Variants in TIAM2 observed in about 807,000 individuals in gnomAD.
TIAM2 encodes rho guanine nucleotide exchange factor TIAM2.
A neutral mutation model predicts 152.9 loss-of-function variants in TIAM2; 80 were observed. The ratio of observed to expected loss-of-function variants is 0.52; its 90% CI spans 0.44 to 0.63. The LOEUF (loss-of-function observed/expected upper bound fraction) is 0.63, where lower values mean the gene tolerates loss of function less well. TIAM2 is among the 30% of genes least tolerant of loss of function. TIAM2 has a pLI of 0.00. For missense variants in TIAM2, 1,965 were observed against 2,120.1 expected, an observed-to-expected ratio of 0.93 and a Z score of 1.44; for synonymous variants, 804 against 838.0, an observed-to-expected ratio of 0.96 and a Z score of 0.70.
intron 1 of TIAM2, among the ~76,000 whole-genome samples, chr6:155,007,549 A>C (rs1279022985): frequency 6.6e-6 from 1 of 152,128 alleles, no homozygotes; most frequent in Non-Finnish European, 1.5e-5. Flanking sequence ...TGTTGAATAT[A>C]TTAGTTATAA....
chr6:155,179,229 C>A, intron 11 of TIAM2, 86 bp downstream of exon 11: 1 of 1,473,078 alleles, frequency 6.8e-7, no homozygotes, highest in Non-Finnish European at 9.4e-7. Context: ...GGGGAAAATT[C>A]TGTTTAAATT....
At chr6:155,250,064 G>A in intron 21 of TIAM2, 95 bp downstream of exon 21, 1 of 838,912 alleles carries the variant, frequency 1.2e-6, no homozygotes, top group East Asian at 2.5e-5. Context: ...GACTTTCCTG[G>A]AGGAGAAAAT....
In TIAM2 at chr6:155,156,316, G is replaced by A. The variant is rs998142220; in HGVS notation, c.2028+7982G>A. ...GCAGAAGCCTCCGGTTTCGCCCTTCGTCTGATGCATCTTCCATACAACAGC... is the reference window on the plus strand; with the variant it reads ...GCAGAAGCCTCCGGTTTCGCCCTTCATCTGATGCATCTTCCATACAACAGC... On this transcript the variant is annotated intron_variant, in intron 7 of 26. Coordinates refer to ENST00000682666, the MANE Select transcript of TIAM2 (RefSeq NM_012454.4). The surrounding 1 kb of genome is among the most constrained non-coding windows in gnomAD (Gnocchi z 4.4). Among the ~76,000 whole-genome samples, 8 of 152,104 alleles carry A rather than the reference G, an allele frequency of 5.3e-5. No individual in the cohort carries two copies. The highest frequency in any genetic ancestry group is 1.3e-4 in the Admixed American group (2 of 15,268).
At chr6:155,116,706 C>T (rs1241656407) in intron 2 of TIAM2, among the ~76,000 whole-genome samples, 1 of 152,124 alleles carries the variant, frequency 6.6e-6, no homozygotes, top group Non-Finnish European at 1.5e-5. Flanking sequence ...TGGTTGCAGT[C>T]TGAGATTCCA....
chr6:155,004,776 C>T (rs1778372612), intron 1 of TIAM2: 1 of 152,516 alleles, frequency 6.6e-6, no homozygotes. Context: ...CATTTACTTA[C>T]CAGGCGAATA....
rs111652792 is a variant in TIAM2 at position 155,068,576 on chromosome 6, C to T, written c.-208-21713C>T. On this transcript the variant is annotated intron_variant, in intron 1 of 26. Transcript: ENST00000682666. ...CAAGCGATTCTTCTACCTCAGCCTCCGGAGTAGCTGGGATTACAGGCACCC... is the reference window on the plus strand; with the variant it reads ...CAAGCGATTCTTCTACCTCAGCCTCTGGAGTAGCTGGGATTACAGGCACCC... Among the ~76,000 whole-genome samples the T allele has an allele frequency of 6.3e-3, 960 of 151,558 alleles. 17 individuals are homozygous for T. Among genetic ancestry groups the T allele is most frequent in the African/African-American group, 0.022 (898 of 41,344 alleles).
At chr6:155,028,519 T>C (rs1776688214) in intron 1 of TIAM2, among the ~76,000 whole-genome samples, 1 of 132,722 alleles carries the variant, frequency 7.5e-6, no homozygotes, top group Admixed American at 7.9e-5. Context: ...ATACTACATA[T>C]AATATATATA....
At chr6:155,183,626 G>A in intron 14 of TIAM2, 126 bp downstream of exon 14, 3 of 1,096,124 alleles carry the variant, frequency 2.7e-6, no homozygotes, top group Non-Finnish European at 3.7e-6. Flanking sequence ...TTTATTAGAA[G>A]AACACAGATG....
chr6:155,172,686 A>ATT (rs113165280), intron 9 of TIAM2, among the ~76,000 whole-genome samples: 18 of 19,620 alleles, frequency 9.2e-4, no homozygotes, highest in Admixed American at 4.4e-3. Context: ...ATATATATAT[A>ATT]TTTTTTTTTT....
At position 154,998,373 on chromosome 6, in the gene TIAM2, A is replaced by T. The variant is rs1025819762; in HGVS notation, c.-209+2881A>T. Among the ~76,000 whole-genome samples, 3 of 152,172 alleles carry T rather than the reference A, an allele frequency of 2.0e-5. No individual in the cohort carries two copies. In the East Asian group the frequency reaches 5.8e-4, roughly 29 times the overall value. On this transcript the variant is annotated intron_variant, in intron 1 of 26. Transcript: ENST00000682666. ...ACAGAATTAAACTAAGAAAGTAAGAAGGGTTTGAGTCTGATTTATTTAGGA... is the reference window on the plus strand; with the variant it reads ...ACAGAATTAAACTAAGAAAGTAAGATGGGTTTGAGTCTGATTTATTTAGGA...
intron 7 of TIAM2, among the ~76,000 whole-genome samples, chr6:155,150,844 G>C (rs564054787): frequency 2.2e-4 from 33 of 152,264 alleles, no homozygotes; most frequent in African/African-American, 7.2e-4. Flanking sequence ...CTATTCACGA[G>C]GGCTCACCAT....
chr6:155,224,939 T>G (rs1755112325), intron 15 of TIAM2, among the ~76,000 whole-genome samples: 1 of 152,136 alleles, frequency 6.6e-6, no homozygotes, highest in South Asian at 2.1e-4. Context: ...TCAGCTGGTT[T>G]TGGGATTTTC....
chr6:155,091,467 T>C (rs1778304249), intron 2 of TIAM2, among the ~76,000 whole-genome samples: 1 of 152,198 alleles, frequency 6.6e-6, no homozygotes. Flanking sequence ...TTGCTCAATG[T>C]CACATGGTGA....
At chr6:155,059,603 ACCACACCCAG>A (rs2114936344) in intron 1 of TIAM2, among the ~76,000 whole-genome samples, 1 of 152,220 alleles carries the variant, frequency 6.6e-6, no homozygotes, top group East Asian at 1.9e-4. Context: ...GATGAGAGCC[ACCACACCCAG>A]CCTCTATTTG....
At chr6:155,103,629 C>A (rs983618019) in intron 2 of TIAM2, among the ~76,000 whole-genome samples, 2 of 143,076 alleles carry the variant, frequency 1.4e-5, no homozygotes, top group African/African-American at 5.3e-5. Flanking sequence ...GAGGCTGAGG[C>A]AGGAGAATCA....
At chr6:155,176,755 G>T in intron 9 of TIAM2, 61 bp from the exon 10 acceptor site, 1 of 1,560,282 alleles carries the variant, frequency 6.4e-7, no homozygotes, top group South Asian at 1.2e-5. Context: ...ACATTTGGCC[G>T]GTGGTTTCCT....
intron 1 of TIAM2, among the ~76,000 whole-genome samples, chr6:155,033,328 C>T (rs1236069048): frequency 1.3e-5 from 2 of 152,190 alleles, no homozygotes; most frequent in African/African-American, 4.8e-5. Flanking sequence ...CTTAAGGGAG[C>T]TGGCTTGTCT....
intron 14 of TIAM2, among the ~76,000 whole-genome samples, chr6:155,205,654 G>A (rs562880659): frequency 2.6e-5 from 4 of 152,182 alleles, no homozygotes; most frequent in Admixed American, 6.5e-5. Flanking sequence ...TGAACCATAC[G>A]TAGCTGCCTG....
chr6:155,224,875 C>G (rs192394035), intron 15 of TIAM2, among the ~76,000 whole-genome samples: 146 of 152,356 alleles, frequency 9.6e-4, no homozygotes, highest in African/African-American at 3.4e-3. Flanking sequence ...TCAGAAACCA[C>G]AAATGCTGCA....
Sources: gnomAD v4.1 joint callset for allele counts (sites outside exome capture counted in the v4.1 genomes callset) on GRCh38, gnomAD v4.1.1 for gene constraint, Gnocchi (gnomAD v3.1) non-coding constraint, MANE v1.5 for transcripts, NCBI Gene and HGNC (gene_info 2026-07-23, HGNC 2026-07-21) for gene names.